The following CSTPP1 variants were observed in gnomAD, a reference collection of about 807,000 sequenced individuals.
CSTPP1 encodes centriolar satellite-associated tubulin polyglutamylase complex regulator 1, also known as UPF0705 protein C11orf49.
At chr11:47,130,572 A>C in the CSTPP1 span, 2 of 152,148 alleles carry the variant, frequency 1.3e-5, no homozygotes, top group African/African-American at 2.4e-5. Flanking sequence ...TAGGGTAGCA[A>C]TCTTTCTGTG....
chr11:46,982,834 T>TA, the CSTPP1 span, among the ~76,000 whole-genome samples: 1 of 152,198 alleles, frequency 6.6e-6, no homozygotes, highest in African/African-American at 2.4e-5. Context: ...TTTGAGCACT[T>TA]ACTATGTGCC....
At chr11:46,987,214 G>A in the CSTPP1 span, 34 of 1,613,864 alleles carry the variant, frequency 2.1e-5, 1 homozygote, top group South Asian at 9.9e-5. Context: ...GCAGCTCAGC[G>A]ACATGTCCTC....
chr11:46,986,277 A>C, the CSTPP1 span, among the ~76,000 whole-genome samples: 1 of 152,280 alleles, frequency 6.6e-6, no homozygotes, highest in East Asian at 1.9e-4. Context: ...ATTAACTCAC[A>C]CATTTCCAAG....
chr11:47,147,677 G>C, the CSTPP1 span, among the ~76,000 whole-genome samples: 22,900 of 152,118 alleles, frequency 0.15, 2,904 homozygotes, highest in East Asian at 0.65. Context: ...TTTCTTACCA[G>C]AAGTGGCTGC....
the CSTPP1 span, chr11:47,041,253 G>A: frequency 4.0e-6 from 1 of 252,646 alleles, no homozygotes; most frequent in South Asian, 3.5e-5. Context: ...GATGTTGTAT[G>A]TGTCAATCTT....
the CSTPP1 span, among the ~76,000 whole-genome samples, chr11:47,150,544 G>C: frequency 1.3e-5 from 2 of 152,166 alleles, no homozygotes; most frequent in Non-Finnish European, 2.9e-5. Context: ...TAGCAGGGGG[G>C]CCTATTCTAG....
the CSTPP1 span, among the ~76,000 whole-genome samples, chr11:47,080,733 G>T: frequency 6.6e-6 from 1 of 152,040 alleles, no homozygotes; most frequent in Non-Finnish European, 1.5e-5. Flanking sequence ...TAAGGGCCAG[G>T]TGCAGTGGCT....
chr11:46,955,224 A>G, the CSTPP1 span, among the ~76,000 whole-genome samples: 1 of 151,996 alleles, frequency 6.6e-6, no homozygotes, highest in African/African-American at 2.4e-5. Flanking sequence ...ATATACATTC[A>G]TATTCCCTTT....
the CSTPP1 span, among the ~76,000 whole-genome samples, chr11:47,058,876 A>C: frequency 6.6e-6 from 1 of 152,224 alleles, no homozygotes; most frequent in Non-Finnish European, 1.5e-5. Context: ...CAAATGAGTA[A>C]GTGACAATAC....
At chr11:47,016,615 T>C in the CSTPP1 span, among the ~76,000 whole-genome samples, 1 of 152,114 alleles carries the variant, frequency 6.6e-6, no homozygotes, top group Non-Finnish European at 1.5e-5. Context: ...AAAACATTGC[T>C]GAGAGGAATT....
chr11:47,137,546 C>T, the CSTPP1 span: 15 of 1,587,752 alleles, frequency 9.4e-6, no homozygotes, highest in South Asian at 1.3e-4. Flanking sequence ...AAAAGAACAG[C>T]TCTACCAAGA....
chr11:46,991,196 GTTTT>G, the CSTPP1 span, among the ~76,000 whole-genome samples: 1 of 136,230 alleles, frequency 7.3e-6, no homozygotes, highest in Non-Finnish European at 1.6e-5. Flanking sequence ...CTTGAACATA[GTTTT>G]TTTTTTTTTT....
the CSTPP1 span, among the ~76,000 whole-genome samples, chr11:47,113,927 CTA>C: frequency 1.3e-5 from 2 of 152,200 alleles, no homozygotes; most frequent in African/African-American, 4.8e-5. Flanking sequence ...TTGCCCATGC[CTA>C]TGTCCTGAAT....
chr11:46,960,266 G>T, the CSTPP1 span, among the ~76,000 whole-genome samples: 1 of 152,124 alleles, frequency 6.6e-6, no homozygotes, highest in Non-Finnish European at 1.5e-5. Flanking sequence ...TCCTGTGTAG[G>T]TGAGATTTTT....
chr11:47,038,456 T>G, the CSTPP1 span, among the ~76,000 whole-genome samples: 5 of 90,136 alleles, frequency 5.5e-5, no homozygotes, highest in Non-Finnish European at 1.1e-4. Context: ...GGCGGGGGGC[T>G]GACCCCCCCA....
the CSTPP1 span, among the ~76,000 whole-genome samples, chr11:47,150,756 G>A: frequency 2.0e-5 from 3 of 151,864 alleles, no homozygotes; most frequent in Non-Finnish European, 4.4e-5. Flanking sequence ...CTTCAGGGAG[G>A]ATGGAAGGAC....
the CSTPP1 span, among the ~76,000 whole-genome samples, chr11:47,101,180 T>A: frequency 3.1e-5 from 3 of 96,128 alleles, no homozygotes; most frequent in African/African-American, 1.1e-4. Context: ...TTTTTTTTTT[T>A]TTTTTTTTTA....
chr11:47,159,520 AAAAAC>A, the CSTPP1 span: 1 of 416,294 alleles, frequency 2.4e-6, no homozygotes, highest in Non-Finnish European at 4.7e-6. Context: ...AAAAGAAAAA[AAAAAC>A]AAAAACAGGC....
chr11:47,100,983 C>T, the CSTPP1 span, among the ~76,000 whole-genome samples: 3 of 149,808 alleles, frequency 2.0e-5, no homozygotes, highest in East Asian at 1.9e-4. Flanking sequence ...ATAAATAAGT[C>T]GTATTTTATT....
Sources: allele counts gnomAD v4.1 joint callset (sites outside exome capture counted in the v4.1 genomes callset), GRCh38; gene constraint gnomAD v4.1.1; transcripts MANE v1.5; gene names NCBI Gene and HGNC (gene_info 2026-07-23, HGNC 2026-07-21).